ADGRG7: variants seen among roughly 807,000 people sequenced by gnomAD.
The protein encoded by ADGRG7 is G-protein coupled receptor 128.
Under a neutral mutation model 88.6 loss-of-function variants are expected in ADGRG7, and 82 were observed. The ratio of observed to expected loss-of-function variants is 0.93; its 90% CI spans 0.77 to 1.11. ADGRG7 has a LOEUF of 1.11. ADGRG7 is among the 50% of genes most tolerant of loss of function. The probability of loss-of-function intolerance (pLI) is 0.00; values close to 1 mark genes in which losing one functional copy is unlikely to be tolerated. For synonymous variants in ADGRG7, 381 were observed against 345.2 expected (o/e 1.10, Z -1.15); for missense variants, 945 against 953.4 (o/e 0.99, Z 0.12).
rs539947597 is a variant in ADGRG7, at chr3:100,651,400, T to C, written c.1379+1593T>C. On this transcript the variant is annotated intron_variant, in intron 11 of 15. Coordinates refer to ENST00000273352, the MANE Select transcript of ADGRG7 (RefSeq NM_032787.3). ...TTGTACTGACAATTATTTGGTCCCATAGGGATGAGTCATAGTTGCTGCATA... is the reference window on the plus strand; with the variant it reads ...TTGTACTGACAATTATTTGGTCCCACAGGGATGAGTCATAGTTGCTGCATA... 2.6e-5 allele frequency among the ~76,000 whole-genome samples: 4 copies of C among 152,376 alleles called. No homozygotes were observed. In the South Asian group the frequency reaches 6.2e-4, roughly 24 times the overall value.
At chr3:100,627,858 T>C (rs1338400060) in intron 1 of ADGRG7, among the ~76,000 whole-genome samples, 1 of 152,200 alleles carries the variant, frequency 6.6e-6, no homozygotes, top group Non-Finnish European at 1.5e-5. Flanking sequence ...TGATTTCTTC[T>C]GATATTTTAT....
rs1485946599 is a variant in ADGRG7 at position 100,649,727 on chromosome 3, A to G, written c.1299A>G (p.Ser433=). 1 of 1,608,462 alleles carries G rather than the reference A, an allele frequency of 6.2e-7. No individual in the cohort carries two copies. Residue 433 remains serine (S), a synonymous_variant, in exon 11 of 16, where the codon TCA becomes TCG. Transcript: ENST00000273352. The part of the protein sequence containing the change: ...TFKKDYQYPK[S]LDILSNVGCA... ...AAAAGGATTATCAATATCCCAAATC[A>G]CTTGACATATTATCCAACGTTGGAT... is the stretch of plus-strand genomic sequence containing the variant.
intron 4 of ADGRG7, among the ~76,000 whole-genome samples, chr3:100,634,299 A>AGG (rs1479393888): frequency 2.6e-5 from 4 of 152,178 alleles, no homozygotes; most frequent in African/African-American, 9.7e-5. Context: ...TCCTTATAAA[A>AGG]CTTCTGTGAG....
At chr3:100,625,693 A>C (rs768468240) in intron 1 of ADGRG7, among the ~76,000 whole-genome samples, 2 of 152,114 alleles carry the variant, frequency 1.3e-5, no homozygotes, top group Non-Finnish European at 2.9e-5. Context: ...TTATTTTGAG[A>C]TATGTTCCAT....
chr3:100,653,883 A>AT (rs1348709318), intron 11 of ADGRG7, among the ~76,000 whole-genome samples: 1 of 151,264 alleles, frequency 6.6e-6, no homozygotes, highest in Non-Finnish European at 1.5e-5. Context: ...GTGTTATAGG[A>AT]TTTTCTCCTT....
At chr3:100,613,428 G>A (rs1707183207) in intron 1 of ADGRG7, among the ~76,000 whole-genome samples, 1 of 151,860 alleles carries the variant, frequency 6.6e-6, no homozygotes, top group Non-Finnish European at 1.5e-5. Flanking sequence ...AGAGAAAGTT[G>A]GTTTTAGGCA....
chr3:100,630,589 T>C, intron 2 of ADGRG7, 116 bp from the exon 3 acceptor site: 1 of 418,426 alleles, frequency 2.4e-6, no homozygotes, highest in East Asian at 3.7e-5. Flanking sequence ...GTGGGTTCTA[T>C]AAGCCTTCTA....
chr3:100,629,665 C>A lies in ADGRG7; in HGVS notation c.183C>A (p.Gly61=). The A allele has an allele frequency of 6.2e-7, 1 of 1,613,162 alleles. No individual in the cohort carries two copies. Among genetic ancestry groups the A allele is most frequent in the Non-Finnish European group, 8.5e-7 (1 of 1,179,326 alleles). ...FCRNGGTWEN[G]RCICTEEWKG... ...GGAATGGTGGAACCTGGGAAAATGGCAGATGTATTTGTACAGAAGAGTGGA... is the reference window on the plus strand; with the variant it reads ...GGAATGGTGGAACCTGGGAAAATGGAAGATGTATTTGTACAGAAGAGTGGA... Residue 61 remains glycine, a synonymous_variant, in exon 2 of 16, where the codon GGC becomes GGA. Coordinates refer to ENST00000273352, the MANE Select transcript of ADGRG7 (RefSeq NM_032787.3).
intron 6 of ADGRG7, among the ~76,000 whole-genome samples, chr3:100,638,560 A>G (rs529444725): frequency 3.3e-5 from 5 of 152,212 alleles, no homozygotes; most frequent in Non-Finnish European, 5.9e-5. Context: ...GACATTATTC[A>G]GAAAGAACCA....
chr3:100,677,419 ATAGT>A (rs1053542097), intron 15 of ADGRG7, among the ~76,000 whole-genome samples: 19 of 152,176 alleles, frequency 1.2e-4, no homozygotes, highest in African/African-American at 4.1e-4. Context: ...AAAAGTTGTT[ATAGT>A]TATTTTGATA....
At chr3:100,663,993 T>C (rs1193283333) in intron 14 of ADGRG7, among the ~76,000 whole-genome samples, 1 of 152,076 alleles carries the variant, frequency 6.6e-6, no homozygotes, top group Non-Finnish European at 1.5e-5. Flanking sequence ...AGTTTTAAGT[T>C]AATTTTTTCC....
At chr3:100,632,321 T>C (rs966901728) in intron 3 of ADGRG7, among the ~76,000 whole-genome samples, 1 of 152,270 alleles carries the variant, frequency 6.6e-6, no homozygotes, top group South Asian at 2.1e-4. Flanking sequence ...AAATTTCAGA[T>C]TGAGCCTATA....
chr3:100,634,169 C>T (rs1325080229), intron 4 of ADGRG7, among the ~76,000 whole-genome samples: 1 of 152,042 alleles, frequency 6.6e-6, no homozygotes, highest in Non-Finnish European at 1.5e-5. Flanking sequence ...AAAGTTGTAC[C>T]CAAATGCACA....
chr3:100,694,768 A>G lies in ADGRG7; in HGVS notation c.2161A>G (p.Thr721Ala). 1 of 1,614,028 alleles carries G rather than the reference A, an allele frequency of 6.2e-7. No homozygotes were observed. Among genetic ancestry groups the G allele is most frequent in the Non-Finnish European group, 8.5e-7 (1 of 1,179,882 alleles). ...GGGATTGCAAATTTTTATCCTGTAC[A>G]CTGTTAGAACAAAAGTCTTCCAGAG... ...TQGLQIFILY[T>A]VRTKVFQSEA... Residue 721 changes from threonine to alanine, a missense_variant, in exon 16 of 16, where the codon ACT (threonine) becomes GCT (alanine). Thr to Ala is a moderately conservative substitution (Grantham distance 58, BLOSUM62 0). Transcript: ENST00000273352.
intron 15 of ADGRG7, among the ~76,000 whole-genome samples, chr3:100,671,613 G>GCA (rs1345666525): frequency 7.2e-5 from 11 of 152,174 alleles, no homozygotes; most frequent in Non-Finnish European, 1.6e-4. Context: ...TGGTGTTTTA[G>GCA]TCATGAAGTC....
intron 10 of ADGRG7, among the ~76,000 whole-genome samples, chr3:100,647,599 C>A (rs564062083): frequency 6.6e-6 from 1 of 152,190 alleles, no homozygotes; most frequent in African/African-American, 2.4e-5. Context: ...ATACTTAGCT[C>A]TGGCGTGCAG....
chr3:100,629,748 A>G (rs753380503), intron 2 of ADGRG7, 37 bp downstream of exon 2: 103 of 1,347,850 alleles, frequency 7.6e-5, no homozygotes, highest in Non-Finnish European at 1.1e-4. Context: ...TGTAAGGTTT[A>G]CGTCACTCTT....
chr3:100,657,857 C>A (rs1304117902), intron 13 of ADGRG7, among the ~76,000 whole-genome samples: 1 of 152,162 alleles, frequency 6.6e-6, no homozygotes, highest in Non-Finnish European at 1.5e-5. Flanking sequence ...CCTCCTAGGT[C>A]ATTCAGATTA....
intron 8 of ADGRG7, among the ~76,000 whole-genome samples, chr3:100,644,541 C>A (rs1401475152): frequency 6.6e-6 from 1 of 152,114 alleles, no homozygotes; most frequent in Non-Finnish European, 1.5e-5. Flanking sequence ...TGCTTCAGAT[C>A]TCTTTAAAAA....
Sources: gnomAD v4.1 joint callset for allele counts (sites outside exome capture counted in the v4.1 genomes callset) on GRCh38, gnomAD v4.1.1 for gene constraint, MANE v1.5 for transcripts, NCBI Gene and HGNC (gene_info 2026-07-23, HGNC 2026-07-21) for gene names.